Variants in OR51B5 observed in about 807,000 individuals in gnomAD.
OR51B5 encodes olfactory receptor family 51 subfamily B member 5, also known as olfactory receptor 51B5.
For missense variants in OR51B5, 456 were observed against 374.6 expected (o/e 1.22, Z -1.79); for synonymous variants, 186 against 144.8 (o/e 1.28, Z -2.04).
chr11:5,473,980 A>G (rs1385394734), intron 1 of OR51B5, among the ~76,000 whole-genome samples: 2 of 152,054 alleles, frequency 1.3e-5, no homozygotes, highest in Non-Finnish European at 2.9e-5. Flanking sequence ...ATTCATCAGT[A>G]ATTCCATCAC....
At chr11:5,504,119 C>G (rs1455653511) in intron 1 of OR51B5, among the ~76,000 whole-genome samples, 1 of 151,488 alleles carries the variant, frequency 6.6e-6, no homozygotes, top group Non-Finnish European at 1.5e-5. Flanking sequence ...TAAATAAATA[C>G]AAGTAATGAA....
At chr11:5,451,743 C>A (rs1401711890) in intron 1 of OR51B5, among the ~76,000 whole-genome samples, 1 of 152,060 alleles carries the variant, frequency 6.6e-6, no homozygotes, top group Non-Finnish European at 1.5e-5. Flanking sequence ...GAGCATGGTC[C>A]GGTCTTGCTT....
chr11:5,368,780 G>A (rs1300341637), intron 1 of OR51B5, among the ~76,000 whole-genome samples: 4 of 152,142 alleles, frequency 2.6e-5, no homozygotes, highest in Non-Finnish European at 5.9e-5. Context: ...CCTCAGCATA[G>A]GCCTTCTGAA....
chr11:5,444,367 T>C (rs576803477), intron 1 of OR51B5, among the ~76,000 whole-genome samples: 1 of 152,258 alleles, frequency 6.6e-6, no homozygotes, highest in South Asian at 2.1e-4. Context: ...CAAAAATCTA[T>C]AAATGATGCA....
intron 1 of OR51B5, among the ~76,000 whole-genome samples, chr11:5,460,996 A>T (rs1195160679): frequency 6.6e-6 from 1 of 152,186 alleles, no homozygotes; most frequent in African/African-American, 2.4e-5. Context: ...ACACTCTGAC[A>T]GGGGCTGCCA....
chr11:5,452,504 C>CAAAAAAAAAAAAAAAAAA (rs56677841), intron 1 of OR51B5, among the ~76,000 whole-genome samples: 5 of 69,188 alleles, frequency 7.2e-5, no homozygotes, highest in Admixed American at 2.1e-4. Flanking sequence ...GACTCTGTCT[C>CAAAAAAAAAAAAAAAAAA]AAAAAAAAAA....
intron 1 of OR51B5, among the ~76,000 whole-genome samples, chr11:5,401,723 G>A (rs2647585): frequency 0.16 from 24,730 of 151,392 alleles, 2,511 homozygotes; most frequent in African/African-American, 0.3. Flanking sequence ...CAGCTTTTTA[G>A]GGCCAGACAT....
chr11:5,451,751 C>T (rs1361505407), intron 1 of OR51B5, among the ~76,000 whole-genome samples: 4 of 152,068 alleles, frequency 2.6e-5, no homozygotes, highest in Non-Finnish European at 5.9e-5. Context: ...TCCGGTCTTG[C>T]TTTGTTAGAG....
chr11:5,426,532 G>C lies in OR51B5; in HGVS notation n.84+79037C>G, dbSNP rs80189135. ...GTAACTTTGGAAATAGGTGAAATCT[G>C]TTAGACTAAAGGCAAAAAGAAGTAT... On this transcript the variant is annotated intron_variant and non_coding_transcript_variant, in intron 1 of 4. Transcript: ENST00000415970. Among the ~76,000 whole-genome samples, 146 of 152,158 alleles carry C rather than the reference G, an allele frequency of 9.6e-4. 2 individuals carry two copies. In the East Asian group the frequency reaches 0.026, roughly 27 times the overall value.
intron 1 of OR51B5, among the ~76,000 whole-genome samples, chr11:5,505,185 A>G (rs546727405): frequency 1.3e-5 from 2 of 152,212 alleles, no homozygotes; most frequent in African/African-American, 4.8e-5. Context: ...ACTTCACTTC[A>G]TATGACCCTC....
chr11:5,371,365 T>C (rs569341758), intron 1 of OR51B5, among the ~76,000 whole-genome samples: 1 of 152,050 alleles, frequency 6.6e-6, no homozygotes, highest in Non-Finnish European at 1.5e-5. Context: ...AATAGAGACA[T>C]TGATGAAACT....
At chr11:5,434,422 ACACTCCAGGG>A (rs1338251893) in intron 1 of OR51B5, among the ~76,000 whole-genome samples, 1 of 152,180 alleles carries the variant, frequency 6.6e-6, no homozygotes, top group East Asian at 1.9e-4. Flanking sequence ...TTTGCTTATA[ACACTCCAGGG>A]TGGTGCCCAC....
chr11:5,489,213 C>A (rs776760723), intron 1 of OR51B5: 1 of 1,613,888 alleles, frequency 6.2e-7, no homozygotes, highest in South Asian at 1.1e-5. Flanking sequence ...TGAGGCGACT[C>A]CCCTACTGTG....
chr11:5,380,699 C>T (rs190608058), intron 1 of OR51B5, among the ~76,000 whole-genome samples: 74 of 152,228 alleles, frequency 4.9e-4, no homozygotes, highest in African/African-American at 1.7e-3. Context: ...TATCTCTCTC[C>T]ATCAATTTTA....
At chr11:5,390,182 G>C (rs772450540) in intron 1 of OR51B5, 2 of 1,613,982 alleles carry the variant, frequency 1.2e-6, no homozygotes, top group Admixed American at 3.3e-5. Context: ...TGCTGTGCTA[G>C]TATTCTTTGT....
Position 5,390,056 on chromosome 11 carries a change from A to T in OR51B5, n.85-43146T>A, listed in dbSNP as rs745723103. The T allele has an allele frequency of 6.8e-6, 11 of 1,613,572 alleles. No homozygotes were observed. The East Asian group carries it at 2.2e-4, about 33-fold the overall frequency. On this transcript the variant is annotated intron_variant and non_coding_transcript_variant, in intron 1 of 4. Transcript: ENST00000415970. The stretch of plus-strand genomic sequence containing the variant: ...ACTGATGGTGGTAGTTTTCACTGTG[A>T]TGCTGGACCTGGTGCTCATCGCACT...
At chr11:5,477,837 C>A (rs1406525339) in intron 1 of OR51B5, among the ~76,000 whole-genome samples, 1 of 152,210 alleles carries the variant, frequency 6.6e-6, no homozygotes, top group Non-Finnish European at 1.5e-5. Context: ...GAGATTATAT[C>A]CCGCACCTGG....
intron 1 of OR51B5, among the ~76,000 whole-genome samples, chr11:5,363,212 G>A (rs1305024544): frequency 6.7e-6 from 1 of 149,298 alleles, no homozygotes; most frequent in Non-Finnish European, 1.5e-5. Flanking sequence ...GATCTCAAGT[G>A]TTTCCCCACA....
chr11:5,421,951 A>T (rs1402704459), intron 1 of OR51B5, among the ~76,000 whole-genome samples: 1 of 152,180 alleles, frequency 6.6e-6, no homozygotes, highest in African/African-American at 2.4e-5. Flanking sequence ...GAAAAATTAG[A>T]GTTACCCATG....
Sources: gnomAD v4.1 joint callset for allele counts (sites outside exome capture counted in the v4.1 genomes callset) on GRCh38, gnomAD v4.1.1 for gene constraint, MANE v1.5 for transcripts, NCBI Gene and HGNC (gene_info 2026-07-23, HGNC 2026-07-21) for gene names.